ZNF367: variants seen among roughly 807,000 people sequenced by gnomAD.
The protein encoded by ZNF367 is C2H2 zinc finger protein ZFF29.
A neutral mutation model predicts 31.8 loss-of-function variants in ZNF367; 11 were observed. The ratio of observed to expected loss-of-function variants is 0.35; its 90% CI spans 0.22 to 0.57. ZNF367 has a LOEUF of 0.57. Among genes scored for constraint, ZNF367 ranks in the 20% least tolerant of loss-of-function variants. ZNF367 has a pLI of 0.85. For missense variants in ZNF367, 353 were observed against 484.1 expected, an observed-to-expected ratio of 0.73 and a Z score of 2.54; for synonymous variants, 199 against 202.4, an observed-to-expected ratio of 0.98 and a Z score of 0.14.
intron 1 of ZNF367, among the ~76,000 whole-genome samples, chr9:96,408,305 C>T (rs71499950): frequency 0.025 from 3,853 of 152,322 alleles, 71 homozygotes; most frequent in Middle Eastern, 0.054. Context: ...CATATTTGCA[C>T]ATCTGTGTTC....
chr9:96,394,003 C>A (rs1387888717), intron 3 of ZNF367, among the ~76,000 whole-genome samples: 1 of 152,130 alleles, frequency 6.6e-6, no homozygotes, highest in East Asian at 1.9e-4. Context: ...ACTGTAACTG[C>A]ATAAAAATGT....
At chr9:96,398,087 C>CAAA (rs374810647) in intron 2 of ZNF367, 77 bp downstream of exon 2, 63 of 379,750 alleles carry the variant, frequency 1.7e-4, no homozygotes, top group Non-Finnish European at 1.9e-4. Context: ...GAGACTATCT[C>CAAA]AAAAAAAAAA....
chr9:96,406,633 T>C (rs1831674012), intron 1 of ZNF367, among the ~76,000 whole-genome samples: 1 of 152,170 alleles, frequency 6.6e-6, no homozygotes, highest in African/African-American at 2.4e-5. Flanking sequence ...CACCTAAAAA[T>C]TATTAATAAC....
chr9:96,411,524 C>T (rs1188551050), intron 1 of ZNF367, among the ~76,000 whole-genome samples: 1 of 152,036 alleles, frequency 6.6e-6, no homozygotes. Context: ...AACAGTGCCA[C>T]TGCACTCAGC....
chr9:96,410,422 C>T (rs1831729951), intron 1 of ZNF367, among the ~76,000 whole-genome samples: 1 of 146,244 alleles, frequency 6.8e-6, no homozygotes, highest in South Asian at 2.2e-4. Context: ...ATTAGCCGGG[C>T]GTGGTGGCGG....
rs752013269 is a variant in ZNF367, at chr9:96,417,980, G to T, written c.53C>A (p.Pro18Gln). The change falls in exon 1 of 5, where the codon CCG becomes CAG. Residue 18 changes from proline to glutamine, a missense_variant. Transcript: ENST00000375256. The surrounding 1 kb of genome is among the most constrained non-coding windows in gnomAD (Gnocchi z 5.0). The part of the protein sequence containing the change: ...PMAENPPPPP[P>Q]PVIFCHDSPK... ...GGAGTCGTGGCAGAAGATGACGGGC[G>T]GCGGCGGCGGCGGCGGGTTCTCCGC... The T allele has an allele frequency of 1.4e-6, 2 of 1,425,622 alleles. No homozygotes were observed. The highest frequency in any genetic ancestry group is 5.8e-5 in the East Asian group (2 of 34,772). 88.3% of individuals were successfully genotyped at this position (1,425,622 alleles called of 1,614,324 possible).
chr9:96,404,321 G>A (rs958514107), intron 1 of ZNF367, among the ~76,000 whole-genome samples: 4 of 151,914 alleles, frequency 2.6e-5, no homozygotes, highest in Admixed American at 6.6e-5. Flanking sequence ...TTGGCCAGGC[G>A]CAGTGGCTCA....
At chr9:96,396,956 C>T (rs747731196) in intron 2 of ZNF367, among the ~76,000 whole-genome samples, 4 of 152,088 alleles carry the variant, frequency 2.6e-5, no homozygotes, top group African/African-American at 4.8e-5. Flanking sequence ...CGTCAGCCAC[C>T]GCACCCAGCC....
At chr9:96,408,010 A>AATAAATAC (rs1331967091) in intron 1 of ZNF367, among the ~76,000 whole-genome samples, 35 of 151,860 alleles carry the variant, frequency 2.3e-4, no homozygotes, top group Non-Finnish European at 5.9e-5. Context: ...TAAATAAATA[A>AATAAATAC]ATAAATAAAC....
chr9:96,409,200 C>T lies in ZNF367; in HGVS notation c.420+8413G>A, dbSNP rs192600663. 2.2e-3 allele frequency among the ~76,000 whole-genome samples: 329 copies of T among 152,334 alleles called. 1 individual carries two copies. Among genetic ancestry groups the T allele is most frequent in the Non-Finnish European group, 4.0e-3 (273 of 68,022 alleles). ...AGAAGCAGATTCTGGTGCCATGCCT[C>T]TGGTACAGCCTGCAGAACTACAACC... On this transcript the variant is annotated intron_variant, in intron 1 of 4. Coordinates refer to ENST00000375256, the MANE Select transcript of ZNF367 (RefSeq NM_153695.4).
At chr9:96,399,774 C>T (rs534518922) in intron 1 of ZNF367, among the ~76,000 whole-genome samples, 152 of 152,118 alleles carry the variant, frequency 1.0e-3, no homozygotes, top group Non-Finnish European at 1.9e-3. Flanking sequence ...GCTGAGATCG[C>T]GCCACTGCAT....
intron 3 of ZNF367, among the ~76,000 whole-genome samples, chr9:96,392,825 C>T (rs1831487510): frequency 6.6e-6 from 1 of 152,224 alleles, no homozygotes; most frequent in Admixed American, 6.5e-5. Context: ...TGGCTCACGC[C>T]TGTAATCCCA....
At chr9:96,405,282 T>C (rs1267131835) in intron 1 of ZNF367, among the ~76,000 whole-genome samples, 6 of 125,154 alleles carry the variant, frequency 4.8e-5, no homozygotes, top group Non-Finnish European at 9.3e-5. Flanking sequence ...ACCACTGCAC[T>C]CCAGCCTGGC....
intron 1 of ZNF367, among the ~76,000 whole-genome samples, chr9:96,416,318 C>T (rs1037001288): frequency 6.6e-5 from 10 of 151,766 alleles, no homozygotes. Context: ...GATCTCCTGA[C>T]CTCGTGATCC....
chr9:96,404,377 G>A (rs1564142944), intron 1 of ZNF367, among the ~76,000 whole-genome samples: 1 of 151,986 alleles, frequency 6.6e-6, no homozygotes, highest in African/African-American at 2.4e-5. Context: ...AGTGGATTAC[G>A]AGGTCAAGAG....
At position 96,417,905 on chromosome 9, in the gene ZNF367, GTT is replaced by G; in HGVS notation, c.126_127del (p.Thr43ValfsTer83). The G allele has an allele frequency of 4.6e-6, 7 of 1,505,880 alleles. No homozygotes were observed. Among genetic ancestry groups the G allele is most frequent in the Non-Finnish European group, 6.2e-6 (7 of 1,133,562 alleles). 93.3% of individuals were successfully genotyped at this position (1,505,880 alleles called of 1,614,324 possible). A position where few individuals can be genotyped will look rare whatever the true frequency, so the allele number is the denominator to read the frequency against. On this transcript the variant is annotated frameshift_variant, in exon 1 of 5. Coordinates refer to ENST00000375256, the MANE Select transcript of ZNF367 (RefSeq NM_153695.4). LOFTEE classifies it high-confidence loss of function. This position sits in a 1 kb window ranked among gnomAD's most constrained non-coding sequence, Gnocchi z 5.0. ...CTCCGGCTCCCCTCCACCGCCGCAC[GTT>G]GGCTTGATCGGGGTCGTCCTGATGA...
intron 1 of ZNF367, among the ~76,000 whole-genome samples, chr9:96,412,237 C>G (rs1184439677): frequency 6.6e-6 from 1 of 152,164 alleles, no homozygotes; most frequent in Non-Finnish European, 1.5e-5. Context: ...CAGATCTTGT[C>G]AAGACTGTTG....
At position 96,417,437 on chromosome 9, in the gene ZNF367, G is replaced by GCCC. The variant is rs72546575; in HGVS notation, c.420+173_420+175dup. Among the ~76,000 whole-genome samples, 6 of 131,378 alleles carry GCCC rather than the reference G, an allele frequency of 4.6e-5. No individual in the cohort carries two copies. The South Asian group carries it at 6.5e-4, about 14-fold the overall frequency. 86.2% of individuals were successfully genotyped at this position (131,378 alleles called of 152,430 possible). ...GCCGCTCCCGCCTGTCACGTGACAG[G>GCCC]CCCCCCCCGACTGGGGCCGGTTTTT... On this transcript the variant is annotated intron_variant, in intron 1 of 4. Transcript: ENST00000375256. This position sits in a 1 kb window ranked among gnomAD's most constrained non-coding sequence, Gnocchi z 5.0.
chr9:96,418,122 TCA>T lies in ZNF367; in HGVS notation c.-92_-91del. ...ACTCGCTCTGCTCCGAGTCGCAGGCTCAGTCCTGCCGGCTCATGGCAGACTGA... is the reference window on the plus strand; with the variant it reads ...ACTCGCTCTGCTCCGAGTCGCAGGCTGTCCTGCCGGCTCATGGCAGACTGA... On this transcript the variant is annotated 5_prime_UTR_variant, in exon 1 of 5. The change abolishes the stop of an existing upstream ORF in the 5' untranslated region. Coordinates refer to ENST00000375256, the MANE Select transcript of ZNF367 (RefSeq NM_153695.4). The T allele has an allele frequency of 7.8e-7, 1 of 1,281,556 alleles. No individual in the cohort carries two copies. The highest frequency in any genetic ancestry group is 9.9e-7 in the Non-Finnish European group (1 of 1,013,596). 79.4% of individuals were successfully genotyped at this position (1,281,556 alleles called of 1,614,324 possible). A position where few individuals can be genotyped will look rare whatever the true frequency, so the allele number is the denominator to read the frequency against.
Sources: allele counts gnomAD v4.1 joint callset (sites outside exome capture counted in the v4.1 genomes callset), GRCh38; gene constraint gnomAD v4.1.1; non-coding constraint Gnocchi (gnomAD v3.1); transcripts MANE v1.5; gene names NCBI Gene and HGNC (gene_info 2026-07-23, HGNC 2026-07-21).